CCDC92B: variants seen among roughly 807,000 people sequenced by gnomAD.
CCDC92B encodes coiled-coil domain containing 92B.
CCDC92B carries 2 observed loss-of-function variants against 5.6 expected under a neutral mutation model. The observed-to-expected ratio is 0.36, with a 90% CI of 0.15 to 1.12. The LOEUF (loss-of-function observed/expected upper bound fraction) is 1.12. Ranked by LOEUF, CCDC92B falls within the 50% of genes most tolerant of loss-of-function variation. The pLI is 0.40. For missense variants in CCDC92B, 271 were observed against 262.2 expected, an observed-to-expected ratio of 1.03 and a Z score of -0.23; for synonymous variants, 115 against 122.3, an observed-to-expected ratio of 0.94 and a Z score of 0.39.
At chr17:2,727,635 C>A (rs552093479) in intron 3 of CCDC92B, among the ~76,000 whole-genome samples, 3 of 151,970 alleles carry the variant, frequency 2.0e-5, no homozygotes, top group South Asian at 2.1e-4. Context: ...ACCAGCCTGG[C>A]CAGCATGGCG....
intron 1 of CCDC92B, among the ~76,000 whole-genome samples, chr17:2,742,978 A>G (rs1170774430): frequency 6.6e-6 from 1 of 152,166 alleles, no homozygotes; most frequent in Non-Finnish European, 1.5e-5. Flanking sequence ...TTCAAAAAAC[A>G]TATCCCAAAG....
Position 2,723,703 on chromosome 17 carries a change from G to C in CCDC92B, c.*708C>G, listed in dbSNP as rs1398929178. On this transcript the variant is annotated 3_prime_UTR_variant, in exon 4 of 4. Coordinates refer to ENST00000614400, the MANE Select transcript of CCDC92B (RefSeq NM_001355573.2). Reference sequence around the variant, plus strand: ...TGCATACCCAGCGGGGTGGCGACTCGGGAAGAGCTGAGCTGGAGACGGCTC... The same window carrying C: ...TGCATACCCAGCGGGGTGGCGACTCCGGAAGAGCTGAGCTGGAGACGGCTC... 2 of 153,062 alleles carry C rather than the reference G, an allele frequency of 1.3e-5. No homozygotes were observed. Among genetic ancestry groups the C allele is most frequent in the East Asian group, 3.9e-4 (2 of 5,184 alleles). The allele number at this position is 153,062 out of a possible 1,614,324, so 9.5% of individuals were successfully genotyped here.
intron 1 of CCDC92B, among the ~76,000 whole-genome samples, chr17:2,736,568 G>C (rs2151742256): frequency 6.6e-6 from 1 of 151,840 alleles, no homozygotes; most frequent in Non-Finnish European, 1.5e-5. Context: ...GTAACAAAGT[G>C]AGATCTCGTC....
intron 1 of CCDC92B, among the ~76,000 whole-genome samples, chr17:2,749,005 GC>G (rs150297918): frequency 2.0e-5 from 3 of 152,148 alleles, no homozygotes; most frequent in Non-Finnish European, 4.4e-5. Context: ...GGAAACTGGA[GC>G]CCCCCACCCC....
chr17:2,740,918 A>G (rs1164052839), intron 1 of CCDC92B, among the ~76,000 whole-genome samples: 1 of 127,050 alleles, frequency 7.9e-6, no homozygotes, highest in Non-Finnish European at 1.6e-5. Flanking sequence ...GTGAGCCATG[A>G]TTGTGCCATT....
At chr17:2,733,029 TAAAA>T (rs2070813508) in intron 2 of CCDC92B, among the ~76,000 whole-genome samples, 1 of 118,148 alleles carries the variant, frequency 8.5e-6, no homozygotes, top group Non-Finnish European at 1.9e-5. Context: ...AATAAATAAA[TAAAA>T]ATAAATAAAT....
chr17:2,734,678 T>C (rs907558500), intron 2 of CCDC92B, among the ~76,000 whole-genome samples: 27 of 152,080 alleles, frequency 1.8e-4, no homozygotes, highest in Non-Finnish European at 3.4e-4. Context: ...TTAGTAGAGA[T>C]GGGGTTTCAC....
At chr17:2,727,645 G>A (rs1455254116) in intron 3 of CCDC92B, among the ~76,000 whole-genome samples, 1 of 152,166 alleles carries the variant, frequency 6.6e-6, no homozygotes, top group African/African-American at 2.4e-5. Flanking sequence ...CCAGCATGGC[G>A]AAACCCCGTC....
chr17:2,723,542 G>A lies in CCDC92B; in HGVS notation c.*869C>T, dbSNP rs1252382127. ...TGCAGCCAGCTGATTAGGAAGCCGA[G>A]CAACATTAGCACCAATAAACAGGAC... On this transcript the variant is annotated 3_prime_UTR_variant, in exon 4 of 4. Transcript: ENST00000614400. The A allele has an allele frequency of 1.3e-5, 2 of 152,304 alleles. No homozygotes were observed. The highest frequency in any genetic ancestry group is 4.8e-5 in the African/African-American group (2 of 41,418). The allele number at this position is 152,304 out of a possible 1,614,324, so 9.4% of individuals were successfully genotyped here.
At chr17:2,728,569 C>G (rs1285528939) in intron 3 of CCDC92B, among the ~76,000 whole-genome samples, 5 of 151,066 alleles carry the variant, frequency 3.3e-5, no homozygotes, top group Admixed American at 1.3e-4. Context: ...CACCACTGCA[C>G]TCCAGCCTGG....
Position 2,730,417 on chromosome 17 carries a change from C to T in CCDC92B, c.178+29G>A, listed in dbSNP as rs1017354138. 53 of 984,426 alleles carry T rather than the reference C, an allele frequency of 5.4e-5. 1 individual carries two copies. Among genetic ancestry groups the T allele is most frequent in the East Asian group, 1.1e-4 (1 of 8,820 alleles). The allele number at this position is 984,426 out of a possible 1,614,324, so 61.0% of individuals were successfully genotyped here. On this transcript the variant is annotated intron_variant, in intron 3 of 3. Transcript: ENST00000614400. ...AAACTCCAGCTGTTGGGCCCCATGA[C>T]GCTTCCCCACCAGTGGTCCTTCTCT...
rs1464106852 is a variant in CCDC92B at position 2,722,892 on chromosome 17, G to A, written c.*1519C>T. ...CTGGAGGGGTTTGTGTTTCCTTCTA[G>A]GCTGGGCTGGGGGTGGGGGAATAAG... is the stretch of plus-strand genomic sequence containing the variant. On this transcript the variant is annotated 3_prime_UTR_variant, in exon 4 of 4. Coordinates refer to ENST00000614400, the MANE Select transcript of CCDC92B (RefSeq NM_001355573.2). The A allele has an allele frequency of 6.6e-6, 1 of 152,556 alleles. No homozygotes were observed. Among genetic ancestry groups the A allele is most frequent in the Non-Finnish European group, 1.5e-5 (1 of 68,310 alleles). 9.5% of individuals were successfully genotyped at this position (152,556 alleles called of 1,614,324 possible). A position where few individuals can be genotyped will look rare whatever the true frequency, so the allele number is the denominator to read the frequency against.
Position 2,724,727 on chromosome 17 carries a change from A to C in CCDC92B, c.452T>G (p.Leu151Arg). 1 of 979,076 alleles carries C rather than the reference A, an allele frequency of 1.0e-6. No individual in the cohort carries two copies. Among genetic ancestry groups the C allele is most frequent in the Non-Finnish European group, 1.2e-6 (1 of 827,786 alleles). The allele number at this position is 979,076 out of a possible 1,614,324, so 60.6% of individuals were successfully genotyped here. ...GCCGGGGCCCGGGCGCGGGGCCTGCAGTCTCTGGCGCGCCGCGTGCAGCTG... is the reference window on the plus strand; with the variant it reads ...GCCGGGGCCCGGGCGCGGGGCCTGCCGTCTCTGGCGCGCCGCGTGCAGCTG... ...SCQLHAARQR[L>R]QAPRPGPGAT... The change falls in exon 4 of 4, where the codon CTG (leucine) becomes CGG (arginine). Residue 151 changes from leucine (L) to arginine (R), a missense_variant. Transcript: ENST00000614400. The surrounding 1 kb of genome is among the most constrained non-coding windows in gnomAD (Gnocchi z 5.0).
At chr17:2,746,384 T>C (rs544072541) in intron 1 of CCDC92B, among the ~76,000 whole-genome samples, 2 of 152,370 alleles carry the variant, frequency 1.3e-5, no homozygotes, top group South Asian at 4.1e-4. Flanking sequence ...TTTATAGGAT[T>C]AATTCCAAGT....
intron 3 of CCDC92B, among the ~76,000 whole-genome samples, chr17:2,727,276 C>T (rs189034245): frequency 1.5e-4 from 23 of 152,334 alleles, no homozygotes; most frequent in Admixed American, 1.2e-3. Context: ...ACCCAGAGAG[C>T]TTTAACCAGT....
At chr17:2,743,887 T>A (rs997667137) in intron 1 of CCDC92B, among the ~76,000 whole-genome samples, 11 of 152,192 alleles carry the variant, frequency 7.2e-5, no homozygotes, top group Admixed American at 2.0e-4. Context: ...TATTTTTTTT[T>A]ATTTTTTTGA....
At position 2,742,366 on chromosome 17, in the gene CCDC92B, C is replaced by T. The variant is rs140508013; in HGVS notation, c.-24+7045G>A. ...AACAGAGTGGATGTGGGGAGGTCAG[C>T]TGGAAGAATAAAGCAGTGGTCAAGG... On this transcript the variant is annotated intron_variant, in intron 1 of 3. Transcript: ENST00000614400. Among the ~76,000 whole-genome samples the T allele has an allele frequency of 3.2e-3, 494 of 152,216 alleles. 4 individuals are homozygous for T. The highest frequency in any genetic ancestry group is 0.011 in the African/African-American group (469 of 41,536).
intron 2 of CCDC92B, among the ~76,000 whole-genome samples, chr17:2,733,013 A>AAAAT (rs766469025): frequency 7.2e-6 from 1 of 139,800 alleles, no homozygotes; most frequent in Admixed American, 7.3e-5. Context: ...ACCCTGTCTC[A>AAAAT]AAATAAATAA....
intron 1 of CCDC92B, among the ~76,000 whole-genome samples, chr17:2,741,454 A>C (rs1203333630): frequency 3.9e-5 from 6 of 151,944 alleles, no homozygotes; most frequent in African/African-American, 1.5e-4. Flanking sequence ...AGGCGGGCAG[A>C]TCACCTGAGG....
Sources: allele counts gnomAD v4.1 joint callset (sites outside exome capture counted in the v4.1 genomes callset), GRCh38; gene constraint gnomAD v4.1.1; non-coding constraint Gnocchi (gnomAD v3.1); transcripts MANE v1.5; gene names NCBI Gene and HGNC (gene_info 2026-07-23, HGNC 2026-07-21).